The following RNF24 variants were observed in gnomAD, a reference collection of about 807,000 sequenced individuals.
RNF24 encodes ring finger protein 24.
In RNF24, 14 loss-of-function variants were observed where a neutral mutation model predicts 20.0. That is an observed-to-expected ratio of 0.70 (90% CI 0.46 to 1.10). The LOEUF (loss-of-function observed/expected upper bound fraction) is 1.10. Ranked by LOEUF, RNF24 falls within the 50% of genes least tolerant of loss-of-function variation. The pLI is 0.00. For synonymous variants in RNF24, 45 were observed against 61.1 expected (o/e 0.74, Z 1.23); for missense variants, 124 against 177.6 (o/e 0.70, Z 1.71).
At chr20:3,977,007 T>A (rs1424780327) in intron 1 of RNF24, among the ~76,000 whole-genome samples, 2 of 152,058 alleles carry the variant, frequency 1.3e-5, no homozygotes, top group Non-Finnish European at 2.9e-5. Context: ...AAATTTTAAT[T>A]AAAAAATATA....
At position 3,932,776 on chromosome 20, in the gene RNF24, T is replaced by C. The variant is rs916584953; in HGVS notation, c.*1287A>G. The C allele has an allele frequency of 5.8e-5, 23 of 397,504 alleles. No individual in the cohort carries two copies. Among genetic ancestry groups the C allele is most frequent in the Non-Finnish European group, 8.9e-5 (20 of 225,958 alleles). 24.6% of individuals were successfully genotyped at this position (397,504 alleles called of 1,614,324 possible). On this transcript the variant is annotated 3_prime_UTR_variant, in exon 6 of 6. Coordinates refer to ENST00000358395, the MANE Select transcript of RNF24 (RefSeq NM_001134337.3). ...GGGCTGTGGAAAAGAATTTTCCATC[T>C]GACCTGCTACTTTCCATAGCTAATT...
intron 1 of RNF24, among the ~76,000 whole-genome samples, chr20:3,977,645 C>T (rs1978982868): frequency 6.6e-6 from 1 of 152,024 alleles, no homozygotes; most frequent in Non-Finnish European, 1.5e-5. Flanking sequence ...GCGGGCGGAT[C>T]ACGAGGTCAG....
chr20:3,966,133 C>CAAA (rs574975352), intron 1 of RNF24, among the ~76,000 whole-genome samples: 12 of 81,478 alleles, frequency 1.5e-4, no homozygotes, highest in African/African-American at 5.5e-4. Context: ...GATTCCATCT[C>CAAA]AAAAAAAAAA....
intron 4 of RNF24, among the ~76,000 whole-genome samples, chr20:3,943,109 C>T (rs115003580): frequency 6.6e-6 from 1 of 152,146 alleles, no homozygotes; most frequent in Non-Finnish European, 1.5e-5. Flanking sequence ...AGCCACCCAG[C>T]CCGGCGAGAG....
In RNF24 at chr20:3,945,171, A is replaced by G. The variant is rs776603563; in HGVS notation, c.228+6T>C. On this transcript the variant is annotated splice_donor_region_variant and intron_variant, in intron 4 of 5. Transcript: ENST00000358395. The stretch of plus-strand genomic sequence containing the variant: ...GCTCAAGAGGATTTACTTATCATCA[A>G]CTTACCTCATGTAAATTCAATTCTT... 61 of 1,599,986 alleles carry G rather than the reference A, an allele frequency of 3.8e-5. No individual in the cohort carries two copies. The East Asian group carries it at 1.2e-3, about 32-fold the overall frequency.
intron 1 of RNF24, among the ~76,000 whole-genome samples, chr20:3,989,568 C>T (rs1049819372): frequency 6.6e-6 from 1 of 152,088 alleles, no homozygotes; most frequent in Non-Finnish European, 1.5e-5. Context: ...AATAGAAATA[C>T]GACAGTTGTT....
intron 3 of RNF24, among the ~76,000 whole-genome samples, chr20:3,946,870 A>T (rs931791792): frequency 1.3e-5 from 2 of 152,102 alleles, no homozygotes; most frequent in African/African-American, 4.8e-5. Flanking sequence ...CAGATTTCAA[A>T]CATACATGGA....
intron 1 of RNF24, among the ~76,000 whole-genome samples, chr20:3,989,882 G>A (rs1246381661): frequency 6.6e-6 from 1 of 152,184 alleles, no homozygotes; most frequent in Non-Finnish European, 1.5e-5. Flanking sequence ...CAAAAGGAAG[G>A]AAAATTCTTG....
chr20:3,977,515 G>A (rs1978967245), intron 1 of RNF24, among the ~76,000 whole-genome samples: 1 of 151,928 alleles, frequency 6.6e-6, no homozygotes, highest in South Asian at 2.1e-4. Flanking sequence ...AAAATAAAAT[G>A]GTAGGAACAA....
intron 2 of RNF24, among the ~76,000 whole-genome samples, chr20:3,958,636 CT>C (rs2091168482): frequency 6.6e-6 from 1 of 152,140 alleles, no homozygotes. Flanking sequence ...TCACAATATT[CT>C]GTGCCCCTGT....
rs2090867066 is a variant in RNF24, at chr20:3,934,540, T to A, written c.309-339A>T. On this transcript the variant is annotated intron_variant, in intron 5 of 5. Transcript: ENST00000358395. This position sits in a 1 kb window ranked among gnomAD's most constrained non-coding sequence, Gnocchi z 4.0. Reference sequence around the variant, plus strand: ...GGATGTGAGAAGTAGGAAAATAAATTTTTCTAACAGAAATACAAAACAAAA... The same window carrying A: ...GGATGTGAGAAGTAGGAAAATAAATATTTCTAACAGAAATACAAAACAAAA... 6.6e-6 allele frequency among the ~76,000 whole-genome samples: 1 copy of A among 152,072 alleles called. No homozygotes were observed. Among genetic ancestry groups the A allele is most frequent in the African/African-American group, 2.4e-5 (1 of 41,404 alleles).
intron 1 of RNF24, among the ~76,000 whole-genome samples, chr20:3,993,673 G>A (rs1980638205): frequency 6.6e-6 from 1 of 152,166 alleles, no homozygotes; most frequent in South Asian, 2.1e-4. Context: ...CACTGGTAGG[G>A]TTAGAATGGA....
intron 1 of RNF24, among the ~76,000 whole-genome samples, chr20:3,988,209 AG>A (rs1485717526): frequency 6.6e-6 from 1 of 152,058 alleles, no homozygotes; most frequent in African/African-American, 2.4e-5. Context: ...CTGTGATCCC[AG>A]ATACTCAGGA....
intron 2 of RNF24, among the ~76,000 whole-genome samples, chr20:3,950,622 A>C (rs1013141946): frequency 2.0e-5 from 3 of 152,230 alleles, no homozygotes; most frequent in Non-Finnish European, 4.4e-5. Context: ...CCTTGTGTCA[A>C]TATCATGCTA....
At chr20:4,004,040 C>T (rs555544957) in intron 1 of RNF24, among the ~76,000 whole-genome samples, 8 of 152,276 alleles carry the variant, frequency 5.3e-5, no homozygotes, top group East Asian at 3.9e-4. Flanking sequence ...TGAATTGGCC[C>T]GGACTTTTCA....
chr20:3,995,947 A>G (rs550454084), intron 1 of RNF24, among the ~76,000 whole-genome samples: 1 of 152,290 alleles, frequency 6.6e-6, no homozygotes, highest in African/African-American at 2.4e-5. Context: ...TCTTTCCTTT[A>G]TAAAAATGTT....
At chr20:4,011,421 G>A (rs989949947) in intron 1 of RNF24, among the ~76,000 whole-genome samples, 3 of 152,178 alleles carry the variant, frequency 2.0e-5, no homozygotes, top group African/African-American at 4.8e-5. Flanking sequence ...TAACACAGGA[G>A]GAAGGCAAAG....
At chr20:3,963,728 T>A (rs1171992114) in intron 2 of RNF24, 147 bp downstream of exon 2, 2 of 595,214 alleles carry the variant, frequency 3.4e-6, no homozygotes, top group East Asian at 5.7e-5. Context: ...TACTGATTAC[T>A]AATGCACAGA....
chr20:3,986,881 T>C (rs1400482669), intron 1 of RNF24, among the ~76,000 whole-genome samples: 1 of 152,046 alleles, frequency 6.6e-6, no homozygotes, highest in African/African-American at 2.4e-5. Context: ...GATCTCCTGA[T>C]CTCGTGATCC....
Sources: allele counts gnomAD v4.1 joint callset (sites outside exome capture counted in the v4.1 genomes callset), GRCh38; gene constraint gnomAD v4.1.1; non-coding constraint Gnocchi (gnomAD v3.1); transcripts MANE v1.5; gene names NCBI Gene and HGNC (gene_info 2026-07-23, HGNC 2026-07-21).